TC2N: variants seen among roughly 807,000 people sequenced by gnomAD.
TC2N encodes tandem C2 domains nuclear protein.
In TC2N, 51 loss-of-function variants were observed where a neutral mutation model predicts 61.9. The observed-to-expected ratio is 0.82, with a 90% CI of 0.66 to 1.04. TC2N has a LOEUF of 1.04. TC2N is among the 50% of genes least tolerant of loss of function. The pLI is 0.00. For missense variants in TC2N, 556 were observed against 566.7 expected (o/e 0.98, Z 0.19); for synonymous variants, 204 against 192.6 (o/e 1.06, Z -0.49).
rs1300882628 is a variant in TC2N, at chr14:91,857,944, T to C, written c.-57+9318A>G. 3.3e-5 allele frequency among the ~76,000 whole-genome samples: 5 copies of C among 151,476 alleles called. No homozygotes were observed. In the East Asian group the frequency reaches 7.8e-4, roughly 24 times the overall value. ...ACAGAGTAGAAGCTTGAAGAATATT[T>C]GGGTTTTTGTTGTTGTTGTTCTTTG... On this transcript the variant is annotated intron_variant, in intron 1 of 11. Coordinates refer to ENST00000435962, the MANE Select transcript of TC2N (RefSeq NM_001128596.3).
intron 1 of TC2N, among the ~76,000 whole-genome samples, chr14:91,842,649 C>T (rs1322725612): frequency 6.6e-6 from 1 of 152,136 alleles, no homozygotes; most frequent in Non-Finnish European, 1.5e-5. Context: ...AATAGCTATC[C>T]AGGAAGCTAA....
Position 91,865,390 on chromosome 14 carries a change from T to TAA in TC2N, c.-57+1870_-57+1871dup, listed in dbSNP as rs68047756. 6.7e-3 allele frequency among the ~76,000 whole-genome samples: 901 copies of TAA among 135,122 alleles called. 5 individuals carry two copies. Among genetic ancestry groups the TAA allele is most frequent in the Non-Finnish European group, 9.8e-3 (622 of 63,384 alleles). 88.6% of individuals were successfully genotyped at this position (135,122 alleles called of 152,430 possible). ...CTTGGTTTTTTTTTTTTTTTTTTTT[T>TAA]AAAAAAACATCTTTTAGCTATGTTC... is the stretch of plus-strand genomic sequence containing the variant. On this transcript the variant is annotated intron_variant, in intron 1 of 11. Coordinates refer to ENST00000435962, the MANE Select transcript of TC2N (RefSeq NM_001128596.3).
chr14:91,799,837 G>T (rs993700582), intron 5 of TC2N, among the ~76,000 whole-genome samples: 1 of 151,910 alleles, frequency 6.6e-6, no homozygotes, highest in Non-Finnish European at 1.5e-5. Context: ...TAATAAAAAA[G>T]AAACATTTTT....
intron 1 of TC2N, among the ~76,000 whole-genome samples, chr14:91,857,906 C>T (rs1177028507): frequency 6.6e-6 from 1 of 152,156 alleles, no homozygotes; most frequent in Non-Finnish European, 1.5e-5. Context: ...ATTTAACCAG[C>T]TCAGTGCCCA....
At chr14:91,809,016 G>A (rs1408091695) in intron 3 of TC2N, among the ~76,000 whole-genome samples, 1 of 152,168 alleles carries the variant, frequency 6.6e-6, no homozygotes, top group African/African-American at 2.4e-5. Flanking sequence ...TGGGTATTCT[G>A]TAAGCCAGAA....
rs78550018 is a variant in TC2N at position 91,837,246 on chromosome 14, G to A, written c.-56-23421C>T. On this transcript the variant is annotated intron_variant, in intron 1 of 11. Coordinates refer to ENST00000435962, the MANE Select transcript of TC2N (RefSeq NM_001128596.3). The surrounding 1 kb of genome is among the most constrained non-coding windows in gnomAD (Gnocchi z 4.2). The stretch of plus-strand genomic sequence containing the variant: ...TTTTTGTTTGTTTTGTTTTGACAGA[G>A]GTTCTGTCGCCCAGGCTGGAGTGTA... Among the ~76,000 whole-genome samples the A allele has an allele frequency of 4.6e-3, 698 of 152,320 alleles. 8 individuals are homozygous for A. The highest frequency in any genetic ancestry group is 0.016 in the African/African-American group (654 of 41,574).
intron 1 of TC2N, among the ~76,000 whole-genome samples, chr14:91,818,356 C>T (rs1172023751): frequency 1.3e-5 from 2 of 152,116 alleles, no homozygotes; most frequent in Non-Finnish European, 2.9e-5. Context: ...AACTGGTATT[C>T]ACCAAGGTCA....
intron 1 of TC2N, among the ~76,000 whole-genome samples, chr14:91,836,012 C>T (rs1004776831): frequency 1.3e-5 from 2 of 152,314 alleles, no homozygotes; most frequent in Admixed American, 1.3e-4. Context: ...CCCCGTCGCC[C>T]ACCCCTGGTG....
intron 1 of TC2N, among the ~76,000 whole-genome samples, chr14:91,854,879 C>T (rs1888452556): frequency 1.3e-5 from 2 of 152,162 alleles, no homozygotes; most frequent in Admixed American, 1.3e-4. Flanking sequence ...AGCCAGTCCT[C>T]CCCAAAGAGG....
intron 1 of TC2N, among the ~76,000 whole-genome samples, chr14:91,814,308 C>T (rs565419937): frequency 2.1e-5 from 3 of 143,454 alleles, no homozygotes; most frequent in Non-Finnish European, 4.6e-5. Flanking sequence ...GACAAGAGCA[C>T]ATAGAATTAG....
intron 1 of TC2N, among the ~76,000 whole-genome samples, chr14:91,823,662 T>C (rs1050964032): frequency 6.6e-6 from 1 of 151,898 alleles, no homozygotes; most frequent in Non-Finnish European, 1.5e-5. Context: ...ATACACCACA[T>C]TGCTTTAGGT....
rs573733916 is a variant in TC2N at position 91,825,667 on chromosome 14, C to T, written c.-56-11842G>A. On this transcript the variant is annotated intron_variant, in intron 1 of 11. Coordinates refer to ENST00000435962, the MANE Select transcript of TC2N (RefSeq NM_001128596.3). ...TTTTTACTTTTGCACCTTTGAACTA[C>T]GTTAGGGTAGGAATGCTTCTTGCTG... Among the ~76,000 whole-genome samples, 5 of 152,222 alleles carry T rather than the reference C, an allele frequency of 3.3e-5. No individual in the cohort carries two copies. The South Asian group carries it at 6.2e-4, about 19-fold the overall frequency.
intron 1 of TC2N, among the ~76,000 whole-genome samples, chr14:91,817,915 C>T (rs986094663): frequency 5.3e-5 from 8 of 152,212 alleles, no homozygotes; most frequent in Non-Finnish European, 1.5e-5. Context: ...GGATATTTTA[C>T]TTTTGTACAA....
At chr14:91,817,487 G>C (rs2139871628) in intron 1 of TC2N, among the ~76,000 whole-genome samples, 1 of 151,872 alleles carries the variant, frequency 6.6e-6, no homozygotes, top group East Asian at 1.9e-4. Context: ...TCCCCTGTTA[G>C]AACATAAACT....
In TC2N at chr14:91,780,046, C is replaced by G. The variant is rs2139812205; in HGVS notation, c.*3054G>C. On this transcript the variant is annotated 3_prime_UTR_variant, in exon 12 of 12. Transcript: ENST00000435962. ...TTTCAACTCAATGTTTTAGCCAAAACTGCAAACATTTGAAATTTAATTTTG... is the reference window on the plus strand; with the variant it reads ...TTTCAACTCAATGTTTTAGCCAAAAGTGCAAACATTTGAAATTTAATTTTG... 1 of 152,256 alleles carries G rather than the reference C, an allele frequency of 6.6e-6. No homozygotes were observed. The highest frequency in any genetic ancestry group is 1.9e-4 in the East Asian group (1 of 5,184). The allele number at this position is 152,256 out of a possible 1,614,324, so 9.4% of individuals were successfully genotyped here. A position where few individuals can be genotyped will look rare whatever the true frequency, so the allele number is the denominator to read the frequency against.
chr14:91,812,623 A>T (rs1359755984), intron 2 of TC2N, 78 bp from the exon 3 acceptor site: 14 of 703,842 alleles, frequency 2.0e-5, no homozygotes, highest in Non-Finnish European at 3.3e-5. Context: ...ATACTTTGAT[A>T]TTTATTTAAC....
intron 8 of TC2N, among the ~76,000 whole-genome samples, chr14:91,792,874 T>C (rs1458125343): frequency 6.6e-6 from 1 of 152,222 alleles, no homozygotes; most frequent in Non-Finnish European, 1.5e-5. Flanking sequence ...TTCTGGCATC[T>C]TTCCTGTTAT....
chr14:91,785,052 T>C, intron 11 of TC2N, 110 bp downstream of exon 11: 1 of 639,998 alleles, frequency 1.6e-6, no homozygotes, highest in Non-Finnish European at 2.5e-6. Flanking sequence ...TGATTTATGA[T>C]GCTGAAGAAC....
chr14:91,798,939 G>A, intron 6 of TC2N, 50 bp downstream of exon 6: 2 of 1,225,674 alleles, frequency 1.6e-6, no homozygotes, highest in Non-Finnish European at 1.2e-6. Flanking sequence ...TTACTACTGA[G>A]TAGAAATAAT....
Sources: allele counts gnomAD v4.1 joint callset (sites outside exome capture counted in the v4.1 genomes callset), GRCh38; gene constraint gnomAD v4.1.1; non-coding constraint Gnocchi (gnomAD v3.1); transcripts MANE v1.5; gene names NCBI Gene and HGNC (gene_info 2026-07-23, HGNC 2026-07-21).